Variants in FAM171A1 observed in about 807,000 individuals in gnomAD.
FAM171A1 encodes the protein protein FAM171A1.
In FAM171A1, 23 loss-of-function variants were observed where a neutral mutation model predicts 74.9. The observed-to-expected ratio is 0.31, with a 90% CI of 0.22 to 0.44. FAM171A1 has a LOEUF of 0.44. Among genes scored for constraint, FAM171A1 ranks in the 20% least tolerant of loss-of-function variants. FAM171A1 has a pLI of 1.00. For synonymous variants in FAM171A1, 527 were observed against 505.7 expected, an observed-to-expected ratio of 1.04 and a Z score of -0.57; for missense variants, 1,162 against 1,159.2, an observed-to-expected ratio of 1.00 and a Z score of -0.03.
rs367562251 is a variant in FAM171A1, at chr10:15,328,438, C to CGCCTG, written c.97+42513_97+42517dup. ...CTGGGATTACAGGCATGAACCACGG[C>CGCCTG]GCCTGGCCTGTTGTTGTTTTAAATC... On this transcript the variant is annotated intron_variant, in intron 1 of 7. Coordinates refer to ENST00000378116, the MANE Select transcript of FAM171A1 (RefSeq NM_001010924.2). Among the ~76,000 whole-genome samples, 649 of 152,306 alleles carry CGCCTG rather than the reference C, an allele frequency of 4.3e-3. 5 individuals are homozygous for CGCCTG. Among genetic ancestry groups the CGCCTG allele is most frequent in the African/African-American group, 0.015 (627 of 41,570 alleles).
chr10:15,265,750 C>G (rs1244757679), intron 3 of FAM171A1, among the ~76,000 whole-genome samples: 1 of 151,552 alleles, frequency 6.6e-6, no homozygotes, highest in Non-Finnish European at 1.5e-5. Flanking sequence ...CCTGGCAGGA[C>G]CGAGATGATG....
At chr10:15,362,142 A>G (rs1223855881) in intron 1 of FAM171A1, among the ~76,000 whole-genome samples, 1 of 152,228 alleles carries the variant, frequency 6.6e-6, no homozygotes, top group African/African-American at 2.4e-5. Context: ...ACATTTGATC[A>G]TCTTATCTAC....
intron 3 of FAM171A1, among the ~76,000 whole-genome samples, chr10:15,257,126 A>G (rs1389700422): frequency 6.6e-6 from 1 of 152,190 alleles, no homozygotes; most frequent in Admixed American, 6.5e-5. Flanking sequence ...TGGTGAGTCT[A>G]CATGTGATGG....
chr10:15,353,377 G>A (rs888468045), intron 1 of FAM171A1, among the ~76,000 whole-genome samples: 1 of 152,144 alleles, frequency 6.6e-6, no homozygotes, highest in African/African-American at 2.4e-5. Context: ...ACACTGTTGT[G>A]TTTTCCTAAC....
At chr10:15,361,925 T>A (rs1355684022) in intron 1 of FAM171A1, among the ~76,000 whole-genome samples, 1 of 152,214 alleles carries the variant, frequency 6.6e-6, no homozygotes, top group Non-Finnish European at 1.5e-5. Context: ...TGCCTCTCTA[T>A]CCTTGTGGGA....
chr10:15,263,083 C>A (rs1392837484), intron 3 of FAM171A1, among the ~76,000 whole-genome samples: 1 of 152,176 alleles, frequency 6.6e-6, no homozygotes, highest in Non-Finnish European at 1.5e-5. Flanking sequence ...ACATGAGGAG[C>A]CAAGCAGAGG....
chr10:15,296,353 G>A (rs1377672880), intron 1 of FAM171A1, among the ~76,000 whole-genome samples: 2 of 151,898 alleles, frequency 1.3e-5, no homozygotes, highest in African/African-American at 2.4e-5. Context: ...TATTTAATAT[G>A]TATCTCATAA....
At chr10:15,247,583 G>A (rs964666410) in intron 5 of FAM171A1, among the ~76,000 whole-genome samples, 1 of 152,294 alleles carries the variant, frequency 6.6e-6, no homozygotes, top group African/African-American at 2.4e-5. Context: ...GTGTGGGTCT[G>A]TGTGACCAAC....
chr10:15,219,493 G>A (rs1363555842), intron 6 of FAM171A1, among the ~76,000 whole-genome samples: 5 of 152,128 alleles, frequency 3.3e-5, no homozygotes, highest in Admixed American at 6.5e-5. Context: ...CATAATCTAG[G>A]TATTTCAGAT....
intron 1 of FAM171A1, among the ~76,000 whole-genome samples, chr10:15,296,180 A>T (rs889271038): frequency 6.6e-6 from 1 of 152,142 alleles, no homozygotes; most frequent in Non-Finnish European, 1.5e-5. Flanking sequence ...ACTCTGTTAC[A>T]CTGGAGTTTT....
intron 5 of FAM171A1, among the ~76,000 whole-genome samples, chr10:15,223,334 C>T (rs893789618): frequency 1.3e-5 from 2 of 152,230 alleles, no homozygotes; most frequent in Admixed American, 1.3e-4. Context: ...AAAGCTGGCC[C>T]ACTACAGTGA....
At chr10:15,331,660 C>T (rs10752370) in intron 1 of FAM171A1, among the ~76,000 whole-genome samples, 149,379 of 151,578 alleles carry the variant, frequency 0.99, 73,633 homozygotes, top group East Asian at 1. Flanking sequence ...GGGTCCAAAG[C>T]TTTAGGGAGT....
chr10:15,237,012 G>T (rs1588504960), intron 5 of FAM171A1, among the ~76,000 whole-genome samples: 1 of 152,316 alleles, frequency 6.6e-6, no homozygotes, highest in Non-Finnish European at 1.5e-5. Flanking sequence ...AGAACCGCTT[G>T]AACCTGGGAG....
At chr10:15,365,726 C>T (rs1836052155) in intron 1 of FAM171A1, among the ~76,000 whole-genome samples, 1 of 150,104 alleles carries the variant, frequency 6.7e-6, no homozygotes, top group Non-Finnish European at 1.5e-5. Flanking sequence ...GCTGAGATTG[C>T]ACCACTGCAC....
At chr10:15,216,142 T>G in intron 6 of FAM171A1, 32 bp from the exon 7 acceptor site, 1 of 1,373,086 alleles carries the variant, frequency 7.3e-7, no homozygotes, top group Non-Finnish European at 1.0e-6. Flanking sequence ...TTTAGAGTTT[T>G]GAACACCTTT....
At chr10:15,224,670 C>T (rs772847688) in intron 5 of FAM171A1, among the ~76,000 whole-genome samples, 1 of 152,132 alleles carries the variant, frequency 6.6e-6, no homozygotes, top group Non-Finnish European at 1.5e-5. Context: ...TTTCCCTTTA[C>T]AAGTTTTCTC....
At chr10:15,254,676 T>C in intron 4 of FAM171A1, 45 bp downstream of exon 4, 2 of 1,597,056 alleles carry the variant, frequency 1.3e-6, no homozygotes, top group Non-Finnish European at 1.7e-6. Flanking sequence ...ATGTAAAGAC[T>C]AAAACACAGT....
chr10:15,367,814 C>T (rs1200568483), intron 1 of FAM171A1, among the ~76,000 whole-genome samples: 3 of 152,192 alleles, frequency 2.0e-5, no homozygotes, highest in African/African-American at 7.2e-5. Context: ...GCTAGATATC[C>T]AGCGACAAAA....
chr10:15,357,643 C>T (rs17360034), intron 1 of FAM171A1, among the ~76,000 whole-genome samples: 17,760 of 152,098 alleles, frequency 0.12, 1,333 homozygotes, highest in Non-Finnish European at 0.17. Flanking sequence ...AAATATGGAA[C>T]ACTAATTAAT....
Sources: gnomAD v4.1 joint callset for allele counts (sites outside exome capture counted in the v4.1 genomes callset) on GRCh38, gnomAD v4.1.1 for gene constraint, MANE v1.5 for transcripts, NCBI Gene and HGNC (gene_info 2026-07-23, HGNC 2026-07-21) for gene names.